TRAK1: variants seen among roughly 807,000 people sequenced by gnomAD.
TRAK1 encodes trafficking kinesin protein 1, also known as trafficking kinesin-binding protein 1.
In TRAK1, 33 loss-of-function variants were observed where a neutral mutation model predicts 92.1. The ratio of observed to expected loss-of-function variants is 0.36; its 90% CI spans 0.27 to 0.48. TRAK1 has a LOEUF of 0.48. Ranked by LOEUF, TRAK1 falls within the 20% of genes least tolerant of loss-of-function variation. The pLI, the probability that TRAK1 is intolerant of heterozygous loss-of-function variation, is 0.99. For missense variants in TRAK1, 1,123 were observed against 1,257.9 expected (o/e 0.89, Z 1.62); for synonymous variants, 521 against 517.3 (o/e 1.01, Z -0.10).
chr3:42,035,055 C>T (rs1702277348), intron 1 of TRAK1, among the ~76,000 whole-genome samples: 1 of 152,210 alleles, frequency 6.6e-6, no homozygotes, highest in Admixed American at 6.5e-5. Context: ...CTTTCCCTGA[C>T]CTTCTTGCCA....
chr3:42,142,458 C>T (rs963815421), intron 2 of TRAK1, among the ~76,000 whole-genome samples: 3 of 152,182 alleles, frequency 2.0e-5, no homozygotes, highest in African/African-American at 7.2e-5. Context: ...CCTCTGGAGC[C>T]CTCTGGCCAA....
intron 2 of TRAK1, among the ~76,000 whole-genome samples, chr3:42,170,915 C>T (rs1386978293): frequency 6.6e-6 from 1 of 151,862 alleles, no homozygotes; most frequent in Non-Finnish European, 1.5e-5. Flanking sequence ...GCTCCGCCTC[C>T]TGGGTTCACA....
Position 42,079,474 on chromosome 3 carries a change from C to CTTTTTT in TRAK1, c.-518-7628_-518-7627insTTTTTT, listed in dbSNP as rs374173062. 7.0e-4 allele frequency among the ~76,000 whole-genome samples: 94 copies of CTTTTTT among 133,968 alleles called. 3 individuals are homozygous for CTTTTTT. Among genetic ancestry groups the CTTTTTT allele is most frequent in the Middle Eastern group, 4.5e-3 (1 of 220 alleles). The allele number at this position is 133,968 out of a possible 152,430, so 87.9% of individuals were successfully genotyped here. ...GAGTTTGTCGTGAAGGAAGCTCCTT[C>CTTTTTT]TTCTTTTTTTTTTTTTTTTGTTTTG... On this transcript the variant is annotated intron_variant, in intron 1 of 16. Coordinates refer to the TRAK1 transcript ENST00000487159.
intron 14 of TRAK1, chr3:42,218,921 C>G (rs1418400385): frequency 2.0e-6 from 2 of 985,234 alleles, no homozygotes. Flanking sequence ...GCTGAGGCAG[C>G]TGAAGTCCCC....
chr3:42,024,925 A>T (rs926765754), intron 1 of TRAK1, among the ~76,000 whole-genome samples: 3 of 152,254 alleles, frequency 2.0e-5, no homozygotes, highest in African/African-American at 7.2e-5. Flanking sequence ...ATTGCTAGGG[A>T]TACCACATCA....
intron 1 of TRAK1, among the ~76,000 whole-genome samples, chr3:42,101,910 C>T (rs926224007): frequency 6.6e-6 from 1 of 152,196 alleles, no homozygotes; most frequent in African/African-American, 2.4e-5. Flanking sequence ...CGTTATTAAG[C>T]TGTAAACAGT....
intron 11 of TRAK1, 51 bp from the exon 12 acceptor site, chr3:42,200,767 C>T: frequency 1.3e-6 from 2 of 1,593,418 alleles, no homozygotes; most frequent in South Asian, 1.1e-5. Context: ...GGTTAAACTC[C>T]AGGGTTGTGC....
At chr3:42,191,912 T>TTTTTTTTA (rs1705805777) in intron 7 of TRAK1, among the ~76,000 whole-genome samples, 1 of 140,254 alleles carries the variant, frequency 7.1e-6, no homozygotes, top group Non-Finnish European at 1.5e-5. Context: ...TTTTTTTTTT[T>TTTTTTTTA]TTTTTTGAGA....
chr3:42,048,812 G>A (rs937459088), intron 1 of TRAK1, among the ~76,000 whole-genome samples: 6 of 151,286 alleles, frequency 4.0e-5, no homozygotes, highest in African/African-American at 1.2e-4. Flanking sequence ...CAATCCACTT[G>A]CCTCAGCCTC....
intron 2 of TRAK1, among the ~76,000 whole-genome samples, chr3:42,159,573 TAGAG>T (rs371412933): frequency 2.6e-5 from 4 of 152,184 alleles, no homozygotes; most frequent in African/African-American, 9.7e-5. Context: ...TTCTAGCAAT[TAGAG>T]AGATCTTTAT....
intron 14 of TRAK1, chr3:42,212,174 CA>C: frequency 2.0e-6 from 2 of 985,432 alleles, no homozygotes; most frequent in Non-Finnish European, 2.4e-6. Flanking sequence ...CATGGAGACA[CA>C]GGCAGACAGA....
chr3:42,201,384 C>T (rs1202620865), intron 12 of TRAK1, among the ~76,000 whole-genome samples: 4 of 151,708 alleles, frequency 2.6e-5, no homozygotes, highest in East Asian at 1.9e-4. Context: ...CGCTTGAACC[C>T]GGGAGGTGGA....
intron 2 of TRAK1, chr3:42,160,116 C>A: frequency 9.1e-7 from 1 of 1,094,646 alleles, no homozygotes. Flanking sequence ...TGCTCCACCC[C>A]ACCCCGCCCC....
intron 14 of TRAK1, chr3:42,217,226 C>T (rs1301942840): frequency 1.0e-6 from 1 of 984,732 alleles, no homozygotes; most frequent in Non-Finnish European, 1.2e-6. Flanking sequence ...CTCACTGTCT[C>T]TCTGTTGTGT....
At chr3:42,155,084 C>T (rs1268645111) in intron 2 of TRAK1, among the ~76,000 whole-genome samples, 1 of 152,012 alleles carries the variant, frequency 6.6e-6, no homozygotes, top group East Asian at 1.9e-4. Flanking sequence ...TAAGTAGGCA[C>T]TGGCAATCAC....
chr3:42,150,950 A>G (rs1699885553), intron 2 of TRAK1, among the ~76,000 whole-genome samples: 1 of 152,228 alleles, frequency 6.6e-6, no homozygotes, highest in Admixed American at 6.5e-5. Flanking sequence ...ACCTAACTCC[A>G]AAAGGAAATT....
rs565814727 is a variant in TRAK1 at position 42,221,870 on chromosome 3, T to G, written c.2067-1072T>G. The G allele has an allele frequency of 9.9e-5, 15 of 152,246 alleles. No individual in the cohort carries two copies. The South Asian group carries it at 3.1e-3, about 32-fold the overall frequency. 9.4% of individuals were successfully genotyped at this position (152,246 alleles called of 1,614,324 possible). On this transcript the variant is annotated intron_variant, in intron 15 of 15. Coordinates refer to ENST00000327628, the MANE Select transcript of TRAK1 (RefSeq NM_001042646.3). ...TGCACAGTGGCAGTATCATAGCCAA[T>G]GAGGTTTATTACTAGTTGAAAATTT...
chr3:42,039,544 A>G (rs755875557), intron 1 of TRAK1, among the ~76,000 whole-genome samples: 10 of 152,156 alleles, frequency 6.6e-5, no homozygotes, highest in Non-Finnish European at 1.3e-4. Context: ...TTGTATTTTT[A>G]GTAGAGACAG....
At chr3:42,084,911 A>T (rs1239526720), upstream of TRAK1, among the ~76,000 whole-genome samples, 1 of 151,734 alleles carries the variant, frequency 6.6e-6, no homozygotes, top group African/African-American at 2.4e-5. Flanking sequence ...CCAGGGATAT[A>T]CAGACTCTCC....
Sources: allele counts gnomAD v4.1 joint callset (sites outside exome capture counted in the v4.1 genomes callset), GRCh38; gene constraint gnomAD v4.1.1; transcripts MANE v1.5; gene names NCBI Gene and HGNC (gene_info 2026-07-23, HGNC 2026-07-21).